Variants in SFMBT2 observed in about 807,000 individuals in gnomAD.
SFMBT2 encodes the protein Scm like with four mbt domains 2, also known as scm-like with four MBT domains protein 2.
SFMBT2 carries 38 observed loss-of-function variants against 110.1 expected under a neutral mutation model. The ratio of observed to expected loss-of-function variants is 0.35; its 90% CI spans 0.27 to 0.45. The LOEUF (loss-of-function observed/expected upper bound fraction) is 0.45, where lower values mean the gene tolerates loss of function less well. SFMBT2 is among the 20% of genes least tolerant of loss of function. The pLI is 1.00. For synonymous variants in SFMBT2, 425 were observed against 425.4 expected, an observed-to-expected ratio of 1.00 and a Z score of 0.01; for missense variants, 1,011 against 1,094.9, an observed-to-expected ratio of 0.92 and a Z score of 1.08.
intron 4 of SFMBT2, among the ~76,000 whole-genome samples, chr10:7,306,971 G>A (rs1171087072): frequency 2.0e-5 from 3 of 152,176 alleles, no homozygotes; most frequent in Non-Finnish European, 4.4e-5. Context: ...AAGCATCCCT[G>A]ATAACCATGG....
chr10:7,335,841 G>A (rs1035442645), intron 4 of SFMBT2, among the ~76,000 whole-genome samples: 2 of 152,044 alleles, frequency 1.3e-5, no homozygotes, highest in Admixed American at 1.3e-4. Context: ...TTCTCACAAT[G>A]GCCTTCTAAC....
chr10:7,206,058 A>T (rs112826669), intron 11 of SFMBT2, 130 bp from the exon 12 acceptor site: 1 of 1,407,306 alleles, frequency 7.1e-7, no homozygotes. Flanking sequence ...ACAAAAACAA[A>T]AACAAAATAG....
intron 9 of SFMBT2, among the ~76,000 whole-genome samples, chr10:7,236,342 A>T (rs993090863): frequency 9.9e-5 from 15 of 152,196 alleles, no homozygotes; most frequent in African/African-American, 3.4e-4. Flanking sequence ...AAAAATAACC[A>T]AAAATTTTGA....
Position 7,393,359 on chromosome 10 carries a change from G to T in SFMBT2, c.-51-11410C>A, listed in dbSNP as rs1315376315. On this transcript the variant is annotated intron_variant, in intron 1 of 20. Transcript: ENST00000397167. The stretch of plus-strand genomic sequence containing the variant: ...TATATTATATTCTTACACATACAAG[G>T]CTGTTTCAGTTCACCAAACTTTCAT... Among the ~76,000 whole-genome samples the T allele has an allele frequency of 2.6e-5, 4 of 151,994 alleles. No homozygotes were observed. The East Asian group carries it at 7.7e-4, about 29-fold the overall frequency.
chr10:7,293,424 TA>T lies in SFMBT2; in HGVS notation c.437-7471del, dbSNP rs1191458351. 6.6e-6 allele frequency among the ~76,000 whole-genome samples: 1 copy of T among 151,960 alleles called. No homozygotes were observed. Among genetic ancestry groups the T allele is most frequent in the Non-Finnish European group, 1.5e-5 (1 of 67,998 alleles). ...AAAGTATTTTTTTTTAATGTGAAGG[TA>T]AAGCTAATGGGATTCGCTGATGGGC... On this transcript the variant is annotated intron_variant, in intron 4 of 20. Coordinates refer to ENST00000397167, the MANE Select transcript of SFMBT2 (RefSeq NM_001387889.1). The surrounding 1 kb of genome is among the most constrained non-coding windows in gnomAD (Gnocchi z 4.6).
intron 4 of SFMBT2, among the ~76,000 whole-genome samples, chr10:7,342,798 T>C (rs1262171646): frequency 1.3e-5 from 2 of 152,232 alleles, no homozygotes; most frequent in Non-Finnish European, 2.9e-5. Flanking sequence ...TACCCAAAAC[T>C]ATCAGGAAAC....
At chr10:7,274,878 C>T (rs1588408426) in intron 7 of SFMBT2, among the ~76,000 whole-genome samples, 1 of 152,082 alleles carries the variant, frequency 6.6e-6, no homozygotes, top group African/African-American at 2.4e-5. Context: ...AATTAGCTCA[C>T]GACTTCACCT....
chr10:7,200,308 G>A, intron 14 of SFMBT2, 106 bp downstream of exon 14: 1 of 863,892 alleles, frequency 1.2e-6, no homozygotes, highest in Non-Finnish European at 1.7e-6. Context: ...AAACAGAATA[G>A]GCTCAACGTT....
intron 2 of SFMBT2, among the ~76,000 whole-genome samples, chr10:7,378,426 T>G (rs1478389151): frequency 8.3e-5 from 5 of 60,026 alleles, no homozygotes; most frequent in African/African-American, 1.7e-4. Context: ...TGGATGGGTG[T>G]GAGTGTGGGT....
At chr10:7,223,229 C>T (rs562216277) in intron 10 of SFMBT2, among the ~76,000 whole-genome samples, 3 of 152,268 alleles carry the variant, frequency 2.0e-5, no homozygotes, top group African/African-American at 2.4e-5. Flanking sequence ...AAAGTTGCTA[C>T]AGCATTTTGC....
chr10:7,248,759 G>A, intron 7 of SFMBT2, 110 bp from the exon 8 acceptor site: 1 of 838,378 alleles, frequency 1.2e-6, no homozygotes, highest in Non-Finnish European at 1.9e-6. Flanking sequence ...ATCTTATGGA[G>A]ACAATTAACC....
At chr10:7,196,855 CA>C (rs1838785999) in intron 15 of SFMBT2, among the ~76,000 whole-genome samples, 1 of 152,184 alleles carries the variant, frequency 6.6e-6, no homozygotes, top group Admixed American at 6.5e-5. Flanking sequence ...TGTCTCCAAG[CA>C]CTGTCTGAGG....
intron 9 of SFMBT2, among the ~76,000 whole-genome samples, chr10:7,234,935 C>G (rs977500538): frequency 6.6e-6 from 1 of 152,126 alleles, no homozygotes; most frequent in Non-Finnish European, 1.5e-5. Flanking sequence ...CAGGCAGCAG[C>G]CCAGTCTATG....
intron 4 of SFMBT2, among the ~76,000 whole-genome samples, chr10:7,351,598 C>T (rs753098654): frequency 2.6e-5 from 4 of 152,138 alleles, no homozygotes; most frequent in Non-Finnish European, 5.9e-5. Context: ...ATTCACGCAG[C>T]CTTACTTTCA....
chr10:7,181,099 C>T (rs1838233094), intron 16 of SFMBT2, among the ~76,000 whole-genome samples: 1 of 152,028 alleles, frequency 6.6e-6, no homozygotes, highest in South Asian at 2.1e-4. Context: ...AACAGCTGGG[C>T]ATGGTGGTGC....
intron 13 of SFMBT2, chr10:7,202,157 TG>T: frequency 4.3e-6 from 1 of 235,198 alleles, no homozygotes; most frequent in Non-Finnish European, 7.0e-6. Context: ...ACCTGCCACG[TG>T]GGGCCCCTGC....
intron 15 of SFMBT2, among the ~76,000 whole-genome samples, chr10:7,191,586 T>A (rs1457312933): frequency 6.6e-6 from 1 of 152,232 alleles, no homozygotes; most frequent in African/African-American, 2.4e-5. Flanking sequence ...TCTGCGAGTA[T>A]CCTCTGTACA....
chr10:7,173,618 TTAA>T (rs1482240535), intron 17 of SFMBT2, among the ~76,000 whole-genome samples: 2 of 152,360 alleles, frequency 1.3e-5, no homozygotes, highest in Admixed American at 6.5e-5. Flanking sequence ...TTAGTAGTGA[TTAA>T]TGTTTTTTAT....
At chr10:7,272,198 A>G (rs1841606660) in intron 7 of SFMBT2, among the ~76,000 whole-genome samples, 1 of 152,222 alleles carries the variant, frequency 6.6e-6, no homozygotes, top group South Asian at 2.1e-4. Context: ...GTGCCAGGTT[A>G]AAACAGCAGG....
Sources: gnomAD v4.1 joint callset for allele counts (sites outside exome capture counted in the v4.1 genomes callset) on GRCh38, gnomAD v4.1.1 for gene constraint, Gnocchi (gnomAD v3.1) non-coding constraint, MANE v1.5 for transcripts, NCBI Gene and HGNC (gene_info 2026-07-23, HGNC 2026-07-21) for gene names.